The following PRXL2A variants were observed in gnomAD, a reference collection of about 807,000 sequenced individuals.
PRXL2A encodes the protein peroxiredoxin like 2A, also known as peroxiredoxin-like 2A.
Under a neutral mutation model 25.6 loss-of-function variants are expected in PRXL2A, and 26 were observed. The observed-to-expected ratio is 1.02, with a 90% CI of 0.74 to 1.41. PRXL2A has a LOEUF of 1.41. PRXL2A is among the 40% of genes most tolerant of loss of function. The pLI, the probability that PRXL2A is intolerant of heterozygous loss-of-function variation, is 0.00. For missense variants in PRXL2A, 246 were observed against 273.9 expected, an observed-to-expected ratio of 0.90 and a Z score of 0.72; for synonymous variants, 98 against 102.9, an observed-to-expected ratio of 0.95 and a Z score of 0.29.
chr10:80,417,511 G>T (rs922478193), intron 1 of PRXL2A, among the ~76,000 whole-genome samples: 3 of 152,122 alleles, frequency 2.0e-5, no homozygotes. Flanking sequence ...GAGAAGCAAG[G>T]CTAGGTGATT....
At chr10:80,408,548 G>C (rs1050759209), upstream of PRXL2A, 3 of 152,176 alleles carry the variant, frequency 2.0e-5, no homozygotes, top group African/African-American at 7.2e-5. Context: ...GCGCAAGCGC[G>C]GGGCCCGCCC....
chr10:80,429,529 G>GGCCAT (rs1554853141), intron 5 of PRXL2A, among the ~76,000 whole-genome samples: 1 of 131,348 alleles, frequency 7.6e-6, no homozygotes, highest in Non-Finnish European at 1.7e-5. Flanking sequence ...TTCCCGGCCC[G>GGCCAT]GCCCTGCCCT....
intron 5 of PRXL2A, among the ~76,000 whole-genome samples, chr10:80,431,594 C>A (rs2131918499): frequency 6.6e-6 from 1 of 152,212 alleles, no homozygotes; most frequent in Middle Eastern, 3.4e-3. Context: ...CAAAGTCTAA[C>A]CTCTGAGCTC....
rs547880351 is a variant in PRXL2A at position 80,413,612 on chromosome 10, C to T, written c.-3+4969C>T. On this transcript the variant is annotated intron_variant, in intron 1 of 5. Transcript: ENST00000606162. ...TTGGGAAATGTTATAATCTGCATGA[C>T]TGCAAATGACTCAAAGCTTTGCTCA... Among the ~76,000 whole-genome samples the T allele has an allele frequency of 7.2e-5, 11 of 152,370 alleles. No homozygotes were observed. The East Asian group carries it at 2.1e-3, about 29-fold the overall frequency.
Position 80,428,540 on chromosome 10 carries a change from G to A in PRXL2A, c.576+1044G>A, listed in dbSNP as rs181543481. 5.3e-5 allele frequency among the ~76,000 whole-genome samples: 8 copies of A among 152,282 alleles called. No individual in the cohort carries two copies. The East Asian group carries it at 7.7e-4, about 15-fold the overall frequency. On this transcript the variant is annotated intron_variant, in intron 5 of 5. Coordinates refer to ENST00000606162, the MANE Select transcript of PRXL2A (RefSeq NM_032333.5). ...AAAAATTAGCCGGGTGTAGTGGTGC[G>A]CACCCATAGTCCCAGCTACTTGGGA...
chr10:80,408,904 G>A, intron 1 of PRXL2A: 1 of 337,014 alleles, frequency 3.0e-6, no homozygotes, highest in Non-Finnish European at 4.2e-6. Flanking sequence ...ACGGAGACGG[G>A]GACCCGGCGC....
At chr10:80,431,291 CT>C (rs36042493) in intron 5 of PRXL2A, among the ~76,000 whole-genome samples, 23,478 of 136,608 alleles carry the variant, frequency 0.17, 2,288 homozygotes, top group African/African-American at 0.31. Flanking sequence ...TGTGGTGGGC[CT>C]TTTTTTTTTT....
At chr10:80,429,865 G>A (rs573218619) in intron 5 of PRXL2A, among the ~76,000 whole-genome samples, 73 of 152,278 alleles carry the variant, frequency 4.8e-4, no homozygotes, top group Admixed American at 1.8e-3. Context: ...TGGCATGCCT[G>A]CCAGCCTTTT....
chr10:80,409,069 G>T (rs1043581553), intron 1 of PRXL2A: 9 of 985,456 alleles, frequency 9.1e-6, no homozygotes, highest in Non-Finnish European at 1.1e-5. Flanking sequence ...CCAGCCCCAG[G>T]TGCGGACCTG....
At chr10:80,411,561 G>C (rs971558553) in intron 1 of PRXL2A, among the ~76,000 whole-genome samples, 1 of 152,234 alleles carries the variant, frequency 6.6e-6, no homozygotes, top group Non-Finnish European at 1.5e-5. Context: ...CCAAACCTGA[G>C]TCCCAGTGCA....
chr10:80,422,465 T>C lies in PRXL2A; in HGVS notation c.227T>C (p.Val76Ala). ...AKELWEKNGA[V>A]IMAVRRPGCF... is the part of the protein sequence containing the mutation. ...GAGCTATGGGAAAAAAATGGAGCTG[T>C]GATTATGGCCGTGCGGAGGCCAGGC... Residue 76 changes from valine (V) to alanine (A), a missense_variant, in exon 3 of 6, where the codon GTG becomes GCG. Val to Ala is a moderately conservative substitution (Grantham distance 64). Transcript: ENST00000606162. The C allele has an allele frequency of 6.2e-7, 1 of 1,614,030 alleles. No individual in the cohort carries two copies. The highest frequency in any genetic ancestry group is 1.1e-5 in the South Asian group (1 of 91,074).
Position 80,424,631 on chromosome 10 carries a change from C to T in PRXL2A, c.271-1235C>T, listed in dbSNP as rs555002026. Among the ~76,000 whole-genome samples, 8 of 151,200 alleles carry T rather than the reference C, an allele frequency of 5.3e-5. No homozygotes were observed. In the East Asian group the frequency reaches 1.4e-3, roughly 26 times the overall value. Reference sequence around the variant, plus strand: ...CTGTACTCCCAGCACTTTGGGAGGCCGAGGCAGGTGGATCACTTGAGGTCA... The same window carrying T: ...CTGTACTCCCAGCACTTTGGGAGGCTGAGGCAGGTGGATCACTTGAGGTCA... On this transcript the variant is annotated intron_variant, in intron 3 of 5. Transcript: ENST00000606162.
chr10:80,429,415 C>T (rs112319167), intron 5 of PRXL2A, among the ~76,000 whole-genome samples: 2 of 152,312 alleles, frequency 1.3e-5, no homozygotes, highest in Non-Finnish European at 2.9e-5. Context: ...TCCACATATA[C>T]AGCAGTTGGC....
At chr10:80,410,394 G>A (rs1274591604) in intron 1 of PRXL2A, among the ~76,000 whole-genome samples, 1 of 152,274 alleles carries the variant, frequency 6.6e-6, no homozygotes, top group Non-Finnish European at 1.5e-5. Context: ...GGGCCTGCAG[G>A]CCAGAGGGGC....
At chr10:80,429,058 C>T (rs1453923349) in intron 5 of PRXL2A, among the ~76,000 whole-genome samples, 1 of 152,076 alleles carries the variant, frequency 6.6e-6, no homozygotes, top group African/African-American at 2.4e-5. Context: ...CCCACCACCA[C>T]ACCCAGCTAA....
At position 80,432,066 on chromosome 10, in the gene PRXL2A, C is replaced by G; in HGVS notation, c.657C>G (p.Ile219Met). ...CTGTTCTGGAAGCTGCTAAGATGAT[C>G]AAACCACAGACTTTGGCCTCAGAGA... ...LLSVLEAAKM[I>M]KPQTLASEKK The change falls in exon 6 of 6, where the codon ATC (isoleucine) becomes ATG (methionine). Residue 219 changes from isoleucine (I) to methionine (M), a missense_variant. Physicochemically the swap from Ile to Met is conservative, Grantham distance 10 (BLOSUM62 1). Coordinates refer to ENST00000606162, the MANE Select transcript of PRXL2A (RefSeq NM_032333.5). 6.2e-7 allele frequency: 1 copy of G among 1,609,574 alleles called. No homozygotes were observed. The highest frequency in any genetic ancestry group is 1.1e-5 in the South Asian group (1 of 90,838).
chr10:80,421,153 T>C (rs1448772801), intron 2 of PRXL2A, among the ~76,000 whole-genome samples: 3 of 152,214 alleles, frequency 2.0e-5, no homozygotes, highest in Non-Finnish European at 4.4e-5. Context: ...ATGAGGTGTC[T>C]GGATTGCTGC....
At chr10:80,425,394 A>G (rs1164447012) in intron 3 of PRXL2A, among the ~76,000 whole-genome samples, 1 of 152,214 alleles carries the variant, frequency 6.6e-6, no homozygotes, top group African/African-American at 2.4e-5. Context: ...ACATTTGGGA[A>G]TGTAAGAGAC....
intron 1 of PRXL2A, among the ~76,000 whole-genome samples, chr10:80,411,180 G>T (rs183487833): frequency 6.6e-6 from 1 of 152,368 alleles, no homozygotes; most frequent in East Asian, 1.9e-4. Flanking sequence ...TCATCAGTAT[G>T]CTAGACAAGG....
Sources: allele counts gnomAD v4.1 joint callset (sites outside exome capture counted in the v4.1 genomes callset), GRCh38; gene constraint gnomAD v4.1.1; transcripts MANE v1.5; gene names NCBI Gene and HGNC (gene_info 2026-07-23, HGNC 2026-07-21).